TESC: variants seen among roughly 807,000 people sequenced by gnomAD.
TESC encodes tescalcin, also known as calcineurin B homologous protein 3.
In TESC, 19 loss-of-function variants were observed where a neutral mutation model predicts 31.0. That is an observed-to-expected ratio of 0.61 (90% CI 0.43 to 0.90). The LOEUF (loss-of-function observed/expected upper bound fraction) is 0.90, where lower values mean the gene tolerates loss of function less well. TESC is among the 40% of genes least tolerant of loss of function. The pLI is 0.00. For missense variants in TESC, 248 were observed against 303.8 expected (o/e 0.82, Z 1.36); for synonymous variants, 109 against 114.8 (o/e 0.95, Z 0.32).
intron 3 of TESC, among the ~76,000 whole-genome samples, chr12:117,051,359 G>A (rs1460278595): frequency 6.6e-6 from 1 of 152,122 alleles, no homozygotes; most frequent in African/African-American, 2.4e-5. Context: ...GAGAGGTGGG[G>A]TCCCAAGTCT....
At chr12:117,090,364 G>C (rs1453533830) in intron 1 of TESC, among the ~76,000 whole-genome samples, 1 of 152,178 alleles carries the variant, frequency 6.6e-6, no homozygotes, top group East Asian at 1.9e-4. Flanking sequence ...CAAGATAGCA[G>C]ACATATAAAA....
At chr12:117,095,279 T>G (rs192824594) in intron 1 of TESC, among the ~76,000 whole-genome samples, 1 of 152,190 alleles carries the variant, frequency 6.6e-6, no homozygotes, top group African/African-American at 2.4e-5. Context: ...TTCACTATCT[T>G]GGCCAGGCTG....
chr12:117,048,745 C>T (rs1305370569), intron 4 of TESC: 1 of 596,090 alleles, frequency 1.7e-6, no homozygotes, highest in Admixed American at 2.2e-5. Context: ...GAACCCAGGT[C>T]TTTGCATCAA....
intron 2 of TESC, among the ~76,000 whole-genome samples, chr12:117,064,221 G>A (rs1954840149): frequency 6.6e-6 from 1 of 152,056 alleles, no homozygotes. Context: ...CAGTCCCCAG[G>A]GCATTCACGT....
chr12:117,099,111 A>C lies in TESC; in HGVS notation c.58+114T>G, dbSNP rs1955437103. On this transcript the variant is annotated intron_variant, in intron 1 of 7. Transcript: ENST00000335209. ...GAAAGAGGAGGAGACTGAGGCGCAG[A>C]GAGGGCCCGCCACTGGCCCAAGGTC... is the stretch of plus-strand genomic sequence containing the variant. 5.2e-6 allele frequency: 6 copies of C among 1,147,448 alleles called. No homozygotes were observed. The East Asian group carries it at 1.9e-4, about 37-fold the overall frequency. 71.1% of individuals were successfully genotyped at this position (1,147,448 alleles called of 1,614,324 possible).
At chr12:117,057,064 C>A (rs1593001150) in intron 2 of TESC, among the ~76,000 whole-genome samples, 178 bp from the exon 3 acceptor site, 1 of 152,150 alleles carries the variant, frequency 6.6e-6, no homozygotes, top group Non-Finnish European at 1.5e-5. Flanking sequence ...TTCCTCTAAC[C>A]TTTAGACTGG....
At chr12:117,080,954 G>A (rs1955139852) in intron 1 of TESC, among the ~76,000 whole-genome samples, 1 of 152,220 alleles carries the variant, frequency 6.6e-6, no homozygotes, top group Non-Finnish European at 1.5e-5. Flanking sequence ...AGGGCCCTGA[G>A]GTCACAGTTG....
At chr12:117,084,658 G>A (rs1593022351) in intron 1 of TESC, among the ~76,000 whole-genome samples, 2 of 152,340 alleles carry the variant, frequency 1.3e-5, no homozygotes, top group Middle Eastern at 6.8e-3. Flanking sequence ...GAACAGGGAG[G>A]ATGGGAGGGG....
chr12:117,069,993 A>G (rs1193497525), intron 2 of TESC, among the ~76,000 whole-genome samples: 1 of 152,208 alleles, frequency 6.6e-6, no homozygotes, highest in Non-Finnish European at 1.5e-5. Flanking sequence ...CCTCTCCCCC[A>G]TCGCAGATTG....
chr12:117,059,188 C>T (rs1021080412), intron 2 of TESC, among the ~76,000 whole-genome samples: 1 of 152,204 alleles, frequency 6.6e-6, no homozygotes, highest in Non-Finnish European at 1.5e-5. Context: ...AAAACAGATG[C>T]AAGGGACTCT....
chr12:117,099,185 TCCCGCCCCGGTC>T, intron 1 of TESC, 28 bp downstream of exon 1: 1 of 1,470,112 alleles, frequency 6.8e-7, no homozygotes. Flanking sequence ...CGTTCGGAGG[TCCCGCCCCGGTC>T]CCCGCGCCGC....
At chr12:117,086,557 C>A (rs1167099622) in intron 1 of TESC, among the ~76,000 whole-genome samples, 1 of 151,948 alleles carries the variant, frequency 6.6e-6, no homozygotes, top group Non-Finnish European at 1.5e-5. Flanking sequence ...CTCAGCCTCC[C>A]GAGTAGCTGG....
chr12:117,058,638 G>A (rs891449049), intron 2 of TESC, among the ~76,000 whole-genome samples: 1 of 150,998 alleles, frequency 6.6e-6, no homozygotes, highest in African/African-American at 2.5e-5. Context: ...ACCAATGCAG[G>A]AGGCTGAGGC....
chr12:117,067,331 G>A (rs1954901294), intron 2 of TESC, among the ~76,000 whole-genome samples: 1 of 152,160 alleles, frequency 6.6e-6, no homozygotes, highest in Non-Finnish European at 1.5e-5. Context: ...TTGGAAGACT[G>A]AGGCAGGAGT....
intron 2 of TESC, among the ~76,000 whole-genome samples, chr12:117,071,211 GTTCT>G (rs1954967808): frequency 6.6e-6 from 1 of 152,166 alleles, no homozygotes; most frequent in Non-Finnish European, 1.5e-5. Context: ...TCATTCCTTT[GTTCT>G]TTCATTCATT....
intron 3 of TESC, among the ~76,000 whole-genome samples, chr12:117,056,271 G>A (rs938887619): frequency 1.3e-5 from 2 of 152,156 alleles, no homozygotes; most frequent in East Asian, 3.8e-4. Flanking sequence ...TGGCCAGGCT[G>A]GTCTTGAACT....
At chr12:117,039,924 C>T (rs982223462) in intron 7 of TESC, among the ~76,000 whole-genome samples, 6 of 152,262 alleles carry the variant, frequency 3.9e-5, no homozygotes, top group African/African-American at 9.6e-5. Flanking sequence ...AGGCTATGCC[C>T]GCCAGCGCCT....
In TESC at chr12:117,058,383, G is replaced by C. The variant is rs988672879; in HGVS notation, c.129-1497C>G. On this transcript the variant is annotated intron_variant, in intron 2 of 7. Transcript: ENST00000335209. ...GAAAGCAGATTGGTGGTTGTCAGGG[G>C]GTTGGGGAGAGGGGAATGTGGTGTG... Among the ~76,000 whole-genome samples, 3 of 152,100 alleles carry C rather than the reference G, an allele frequency of 2.0e-5. No homozygotes were observed. In the South Asian group the frequency reaches 6.2e-4, roughly 32 times the overall value.
At chr12:117,071,774 T>G (rs1365027903) in intron 2 of TESC, among the ~76,000 whole-genome samples, 2 of 152,196 alleles carry the variant, frequency 1.3e-5, no homozygotes, top group Non-Finnish European at 2.9e-5. Context: ...AGGTGAGGCC[T>G]GGGAGGTAGG....
Sources: gnomAD v4.1 joint callset for allele counts (sites outside exome capture counted in the v4.1 genomes callset) on GRCh38, gnomAD v4.1.1 for gene constraint, MANE v1.5 for transcripts, NCBI Gene and HGNC (gene_info 2026-07-23, HGNC 2026-07-21) for gene names.